Variants in TRAF3IP2 observed in about 807,000 individuals in gnomAD.
The protein encoded by TRAF3IP2 is E3 ubiquitin ligase TRAF3IP2.
A neutral mutation model predicts 57.9 loss-of-function variants in TRAF3IP2; 35 were observed. The ratio of observed to expected loss-of-function variants is 0.60; its 90% confidence interval spans 0.46 to 0.80. The LOEUF is 0.80. TRAF3IP2 is among the 30% of genes least tolerant of loss of function. The probability of loss-of-function intolerance (pLI) is 0.00; values close to 1 mark genes in which losing one functional copy is unlikely to be tolerated. For missense variants in TRAF3IP2, 556 were observed against 706.4 expected, an observed-to-expected ratio of 0.79 and a Z score of 2.41; for synonymous variants, 251 against 268.9, an observed-to-expected ratio of 0.93 and a Z score of 0.65.
At chr6:111,562,844 C>CAAA (rs931683636) in intron 8 of TRAF3IP2, 121 bp downstream of exon 8, 57 of 599,772 alleles carry the variant, frequency 9.5e-5, no homozygotes, top group East Asian at 4.5e-4. Flanking sequence ...GACTCCATCT[C>CAAA]AAAAAAAAAA....
chr6:111,588,226 G>A (rs1257196826), intron 2 of TRAF3IP2, among the ~76,000 whole-genome samples: 3 of 152,120 alleles, frequency 2.0e-5, no homozygotes, highest in South Asian at 4.1e-4. Flanking sequence ...TGTATCTTCT[G>A]TGAATTATTC....
At chr6:111,597,875 A>G (rs867125185) in intron 1 of TRAF3IP2, 4 of 455,820 alleles carry the variant, frequency 8.8e-6, no homozygotes, top group Middle Eastern at 3.3e-4. Context: ...CTCTGGCATG[A>G]CCTTTGCTCC....
In TRAF3IP2 at chr6:111,579,393, G is replaced by A. The variant is rs138099340; in HGVS notation, c.1022+804C>T. ...TGAAAATACGGAGTTAAGCATAGGA[G>A]AGACCTAATAATGGTACTCAACATG... On this transcript the variant is annotated intron_variant, in intron 3 of 8. Transcript: ENST00000368761. Among the ~76,000 whole-genome samples, 3 of 150,382 alleles carry A rather than the reference G, an allele frequency of 2.0e-5. No individual in the cohort carries two copies. In the East Asian group the frequency reaches 5.9e-4, roughly 30 times the overall value.
intron 6 of TRAF3IP2, 170 bp downstream of exon 6, chr6:111,567,454 C>G: frequency 7.5e-7 from 1 of 1,324,558 alleles, no homozygotes; most frequent in Non-Finnish European, 9.7e-7. Flanking sequence ...GAGGGCGACT[C>G]CGTCCTTCCT....
chr6:111,571,179 AAT>A (rs1795818526), intron 5 of TRAF3IP2, among the ~76,000 whole-genome samples: 2 of 149,524 alleles, frequency 1.3e-5, no homozygotes, highest in South Asian at 4.2e-4. Flanking sequence ...GGGTTCAAGC[AAT>A]TCTCCTGCCT....
At chr6:111,574,580 G>A (rs1219990250) in intron 4 of TRAF3IP2, 1 of 152,238 alleles carries the variant, frequency 6.6e-6, no homozygotes, top group Non-Finnish European at 1.5e-5. Flanking sequence ...TATGGAGAAT[G>A]TGAGACCGTT....
At chr6:111,587,453 C>T (rs777876442) in intron 2 of TRAF3IP2, among the ~76,000 whole-genome samples, 3 of 151,982 alleles carry the variant, frequency 2.0e-5, no homozygotes, top group Non-Finnish European at 4.4e-5. Flanking sequence ...CAACATTTCA[C>T]CATATTGGCC....
intron 3 of TRAF3IP2, chr6:111,577,159 T>G (rs1000437441): frequency 2.2e-4 from 33 of 151,416 alleles, no homozygotes; most frequent in African/African-American, 7.7e-4. Context: ...CTTTTTTTTT[T>G]TTATTTCTCC....
intron 6 of TRAF3IP2, 46 bp downstream of exon 6, chr6:111,567,577 TG>T (rs1562420636): frequency 8.3e-6 from 13 of 1,567,726 alleles, no homozygotes; most frequent in Non-Finnish European, 1.1e-5. Context: ...ATAAGCTCAT[TG>T]TCTTTCTCAC....
In TRAF3IP2 at chr6:111,581,558, A is replaced by C. The variant is rs2128378364; in HGVS notation, c.830-1169T>G. Among the ~76,000 whole-genome samples the C allele has an allele frequency of 2.6e-5, 4 of 152,334 alleles. No homozygotes were observed. In the South Asian group the frequency reaches 8.3e-4, roughly 32 times the overall value. On this transcript the variant is annotated intron_variant, in intron 2 of 8. Coordinates refer to ENST00000368761, the MANE Select transcript of TRAF3IP2 (RefSeq NM_147686.4). ...TTATTTTGCTGATTATAAATGTAAT[A>C]ATCAAGTTTGCCTGCCATGTAGATA...
intron 7 of TRAF3IP2, among the ~76,000 whole-genome samples, chr6:111,563,565 A>G (rs2075966): frequency 0.23 from 34,422 of 152,114 alleles, 4,644 homozygotes; most frequent in East Asian, 0.49. Flanking sequence ...CAATTGCTCT[A>G]GAAGCCCAGA....
intron 2 of TRAF3IP2, among the ~76,000 whole-genome samples, chr6:111,583,064 T>C (rs1796214844): frequency 6.6e-6 from 1 of 152,212 alleles, no homozygotes; most frequent in African/African-American, 2.4e-5. Context: ...GTTCCTATCA[T>C]GGGTTTGCAT....
intron 1 of TRAF3IP2, among the ~76,000 whole-genome samples, chr6:111,605,103 C>A (rs1166015370): frequency 2.6e-5 from 4 of 151,980 alleles, no homozygotes; most frequent in Non-Finnish European, 1.5e-5. Context: ...AAAAAAAATC[C>A]CCCTATTCTA....
At chr6:111,605,281 TCAG>T (rs893028528) in intron 1 of TRAF3IP2, among the ~76,000 whole-genome samples, 4 of 152,198 alleles carry the variant, frequency 2.6e-5, no homozygotes, top group African/African-American at 9.6e-5. Context: ...AGCACAGAGC[TCAG>T]CAGAACTTCC....
In TRAF3IP2 at chr6:111,567,623, C is replaced by A. The variant is rs753706197; in HGVS notation, c.1359+1G>T. Reference sequence around the variant, plus strand: ...AACTCTGGTTTTTGGAATGTACTTACATCCCTAAGGTAGCGCTCCATCCAT... The same window carrying A: ...AACTCTGGTTTTTGGAATGTACTTAAATCCCTAAGGTAGCGCTCCATCCAT... On this transcript the variant is annotated splice_donor_variant, in intron 6 of 8. Transcript: ENST00000368761. LOFTEE classifies it high-confidence loss of function. 6.2e-7 allele frequency: 1 copy of A among 1,606,356 alleles called. No homozygotes were observed. Among genetic ancestry groups the A allele is most frequent in the South Asian group, 1.1e-5 (1 of 88,880 alleles).
chr6:111,585,186 C>A (rs1437923970), intron 2 of TRAF3IP2, among the ~76,000 whole-genome samples: 1 of 152,206 alleles, frequency 6.6e-6, no homozygotes, highest in Non-Finnish European at 1.5e-5. Flanking sequence ...CTGTTTCTGA[C>A]TTCTACTTCT....
In TRAF3IP2 at chr6:111,592,058, T is replaced by C; in HGVS notation, c.29A>G (p.Asp10Gly). Reference sequence around the variant, plus strand: ...CTGACTTGGGTATGGTTCTGATTCATCAACCTCCACAGGAATGCTTCGGTT... The same window carrying C: ...CTGACTTGGGTATGGTTCTGATTCACCAACCTCCACAGGAATGCTTCGGTT... MNRSIPVEV[D>G]ESEPYPSQLL... The change falls in exon 2 of 9, where the codon GAT becomes GGT. Residue 10 changes from aspartate to glycine, a missense_variant. Coordinates refer to ENST00000368761, the MANE Select transcript of TRAF3IP2 (RefSeq NM_147686.4). The C allele has an allele frequency of 6.2e-7, 1 of 1,614,212 alleles. No homozygotes were observed. The highest frequency in any genetic ancestry group is 1.1e-5 in the South Asian group (1 of 91,076).
At chr6:111,584,999 TTTTGGTATCTTAATGACA>T (rs1317918308) in intron 2 of TRAF3IP2, among the ~76,000 whole-genome samples, 5 of 152,312 alleles carry the variant, frequency 3.3e-5, no homozygotes, top group Admixed American at 6.5e-5. Context: ...ACTGACTTGC[TTTTGGTATCTTAATGACA>T]TCAAGCTCCT....
intron 1 of TRAF3IP2, among the ~76,000 whole-genome samples, chr6:111,604,883 C>G (rs1379789923): frequency 6.6e-6 from 1 of 152,190 alleles, no homozygotes; most frequent in Admixed American, 6.5e-5. Flanking sequence ...CACTACCCCT[C>G]TGGGACTATC....
Sources: allele counts gnomAD v4.1 joint callset (sites outside exome capture counted in the v4.1 genomes callset), GRCh38; gene constraint gnomAD v4.1.1; transcripts MANE v1.5; gene names NCBI Gene and HGNC (gene_info 2026-07-23, HGNC 2026-07-21).